CDKL4: variants seen among roughly 807,000 people sequenced by gnomAD.
CDKL4 encodes the protein cyclin dependent kinase like 4.
In CDKL4, 44 loss-of-function variants were observed where a neutral mutation model predicts 42.0. The observed-to-expected ratio is 1.05, with a 90% CI of 0.82 to 1.35. The LOEUF (loss-of-function observed/expected upper bound fraction) is 1.35. Ranked by LOEUF, CDKL4 falls within the 40% of genes most tolerant of loss-of-function variation. The pLI is 0.00. For synonymous variants in CDKL4, 120 were observed against 121.6 expected (o/e 0.99, Z 0.09); for missense variants, 393 against 369.9 (o/e 1.06, Z -0.51).
intron 4 of CDKL4, among the ~76,000 whole-genome samples, chr2:39,209,659 T>C (rs1419114263): frequency 6.6e-6 from 1 of 152,126 alleles, no homozygotes; most frequent in East Asian, 1.9e-4. Flanking sequence ...CCTGAATCCC[T>C]TGGTACTTTA....
intron 3 of CDKL4, among the ~76,000 whole-genome samples, chr2:39,221,006 T>A (rs1558575947): frequency 3.7e-5 from 2 of 53,854 alleles, no homozygotes; most frequent in Admixed American, 4.5e-4. Context: ...TTTTTGTTTT[T>A]TTTTTTGTTT....
chr2:39,188,264 C>G (rs1312273780), intron 6 of CDKL4, among the ~76,000 whole-genome samples: 6 of 151,928 alleles, frequency 3.9e-5, no homozygotes, highest in African/African-American at 1.5e-4. Context: ...ACCATTCAGC[C>G]TCCATCAAAA....
downstream of CDKL4, among the ~76,000 whole-genome samples, chr2:39,172,864 G>A (rs573945123): frequency 1.3e-5 from 2 of 152,298 alleles, no homozygotes; most frequent in African/African-American, 4.8e-5. Flanking sequence ...TTACAGGCAT[G>A]AGCCACTGCA....
At chr2:39,226,477 A>ATATATATT (rs1288955376) in intron 2 of CDKL4, among the ~76,000 whole-genome samples, 1 of 25,240 alleles carries the variant, frequency 4.0e-5, no homozygotes, top group Non-Finnish European at 2.7e-4. Flanking sequence ...ATATATATAT[A>ATATATATT]ATATATATTA....
At chr2:39,238,341 G>A (rs1000684776) in intron 1 of CDKL4, among the ~76,000 whole-genome samples, 1 of 152,188 alleles carries the variant, frequency 6.6e-6, no homozygotes, top group East Asian at 1.9e-4. Context: ...GTTGAGGCGG[G>A]AGGATCACCT....
intron 3 of CDKL4, among the ~76,000 whole-genome samples, chr2:39,220,274 C>T (rs761469769): frequency 6.6e-6 from 1 of 152,116 alleles, no homozygotes; most frequent in African/African-American, 2.4e-5. Flanking sequence ...TTGCTGCAGA[C>T]TCTCAGATCT....
Position 39,204,546 on chromosome 2 carries a change from GAA to G in CDKL4, c.433_434del (p.Phe145ArgfsTer25). On this transcript the variant is annotated frameshift_variant, in exon 5 of 10. Coordinates refer to ENST00000451199, the Ensembl canonical transcript of CDKL4. LOFTEE classifies it high-confidence loss of function. ...ACTTACTCAGAATTTGTGCAAACCC[GAA>G]GTCACAAATCTTGATTATTCCTTGC... 6.2e-7 allele frequency: 1 copy of G among 1,608,308 alleles called. No homozygotes were observed. The highest frequency in any genetic ancestry group is 2.2e-5 in the East Asian group (1 of 44,682).
intron 9 of CDKL4, chr2:39,178,971 G>T: frequency 6.9e-7 from 1 of 1,439,536 alleles, no homozygotes; most frequent in Non-Finnish European, 9.1e-7. Context: ...TTTGATTCAG[G>T]TGTGTTTGGA....
At chr2:39,185,193 T>TATATATACACATACGTATATATAC (rs1161618098) in intron 7 of CDKL4, among the ~76,000 whole-genome samples, 10 of 88,468 alleles carry the variant, frequency 1.1e-4, no homozygotes, top group Non-Finnish European at 1.9e-4. Flanking sequence ...TGTATATACA[T>TATATATACACATACGTATATATAC]ATATATACAC....
exon 7 of CDKL4, chr2:39,187,631 T>C (rs948855202): frequency 1.2e-6 from 2 of 1,604,158 alleles, no homozygotes; most frequent in Non-Finnish European, 1.7e-6. Flanking sequence ...GCTTACCATG[T>C]CTTCTGGCTC....
intron 5 of CDKL4, among the ~76,000 whole-genome samples, chr2:39,199,975 A>G (rs1049784204): frequency 6.6e-6 from 1 of 152,186 alleles, no homozygotes. Context: ...ATAGTACTGG[A>G]AGTCCTAGCT....
intron 3 of CDKL4, among the ~76,000 whole-genome samples, chr2:39,223,172 G>C (rs968228159): frequency 6.6e-6 from 1 of 152,060 alleles, no homozygotes; most frequent in South Asian, 2.1e-4. Context: ...TGTATGGATG[G>C]ATATACCAAA....
At chr2:39,246,340 CTATA>C (rs1426886446), upstream of CDKL4, among the ~76,000 whole-genome samples, 1 of 152,214 alleles carries the variant, frequency 6.6e-6, no homozygotes, top group African/African-American at 2.4e-5. Flanking sequence ...TATCCAATTC[CTATA>C]TAATTTCCAC....
chr2:39,175,197 C>A (rs1303329961), downstream of CDKL4, among the ~76,000 whole-genome samples: 1 of 152,136 alleles, frequency 6.6e-6, no homozygotes, highest in Non-Finnish European at 1.5e-5. Flanking sequence ...AGAGTACTAT[C>A]CATGAGCTAT....
At chr2:39,173,035 G>C (rs1276083505), downstream of CDKL4, among the ~76,000 whole-genome samples, 1 of 152,158 alleles carries the variant, frequency 6.6e-6, no homozygotes, top group Admixed American at 6.5e-5. Flanking sequence ...TTTAATGCAA[G>C]CAAAAATAAG....
downstream of CDKL4, among the ~76,000 whole-genome samples, chr2:39,170,815 T>C (rs2148270517): frequency 6.6e-6 from 1 of 152,276 alleles, no homozygotes; most frequent in South Asian, 2.1e-4. Flanking sequence ...CTTCTGGTGG[T>C]AGTTTTTAAT....
intron 4 of CDKL4, among the ~76,000 whole-genome samples, chr2:39,210,957 G>A (rs1225919212): frequency 6.6e-6 from 1 of 152,204 alleles, no homozygotes; most frequent in Non-Finnish European, 1.5e-5. Context: ...GTATTGAAAT[G>A]TATTCTCATG....
At chr2:39,188,254 A>T (rs1675948085) in intron 6 of CDKL4, among the ~76,000 whole-genome samples, 1 of 151,968 alleles carries the variant, frequency 6.6e-6, no homozygotes, top group South Asian at 2.1e-4. Flanking sequence ...ACATGTGGTC[A>T]CCATTCAGCC....
chr2:39,190,733 G>T lies in CDKL4; in HGVS notation c.455-231C>A, dbSNP rs1410894633. Among the ~76,000 whole-genome samples the T allele has an allele frequency of 2.0e-5, 3 of 152,136 alleles. 1 individual carries two copies. The highest frequency in any genetic ancestry group is 7.2e-5 in the African/African-American group (3 of 41,420). ...TCTCTTACTACTCCAAACTGGGGTG[G>T]CGGGTGGTGTGATAGGGATGGGGGG... On this transcript the variant is annotated intron_variant, in intron 5 of 9. Transcript: ENST00000451199.
Sources: allele counts gnomAD v4.1 joint callset (sites outside exome capture counted in the v4.1 genomes callset), GRCh38; gene constraint gnomAD v4.1.1; transcripts MANE v1.5; gene names NCBI Gene and HGNC (gene_info 2026-07-23, HGNC 2026-07-21).